Variants in OTOG observed in about 807,000 individuals in gnomAD.
The protein encoded by OTOG is otogelin.
OTOG carries 296 observed loss-of-function variants against 313.8 expected under a neutral mutation model. That is an observed-to-expected ratio of 0.94 (90% CI 0.86 to 1.04). OTOG has a LOEUF of 1.04. Among genes scored for constraint, OTOG ranks in the 50% least tolerant of loss-of-function variants. OTOG has a pLI of 0.00. For missense variants in OTOG, 3,948 were observed against 3,840.1 expected (o/e 1.03, Z -0.74); for synonymous variants, 1,533 against 1,554.9 (o/e 0.99, Z 0.33).
rs1294958435 is a variant in OTOG at position 17,631,926 on chromosome 11, T to A, written c.6933+4T>A. The A allele has an allele frequency of 1.3e-6, 2 of 1,549,230 alleles. No homozygotes were observed. Among genetic ancestry groups the A allele is most frequent in the African/African-American group, 1.4e-5 (1 of 73,044 alleles). ...CTTCAGTGCCTGCCACCGCTTTGTA[T>A]GTGCCAACTGGGTCCAGCACTGGGG... On this transcript the variant is annotated splice_donor_region_variant and intron_variant, in intron 41 of 55. Transcript: ENST00000399397.
In OTOG at chr11:17,613,597, G is replaced by A. The variant is rs1460769749; in HGVS notation, c.6439-15G>A. On this transcript the variant is annotated splice_polypyrimidine_tract_variant and intron_variant, in intron 38 of 55. Transcript: ENST00000399397. ...ACAGGGCTCCAAGTTGATGAGGGCT[G>A]GGTTCTCTCTGCAGGGGCACCTGAA... 1.9e-6 allele frequency: 3 copies of A among 1,549,420 alleles called. No homozygotes were observed. Among genetic ancestry groups the A allele is most frequent in the South Asian group, 2.4e-5 (2 of 84,020 alleles).
At chr11:17,629,398 A>G in intron 40 of OTOG, 82 bp downstream of exon 40, 1 of 1,417,444 alleles carries the variant, frequency 7.1e-7, no homozygotes, top group Non-Finnish European at 9.4e-7. Context: ...CTGGAGCAGG[A>G]AAGGCTGGGA....
chr11:17,640,633 T>C, intron 49 of OTOG, 112 bp from the exon 50 acceptor site: 9 of 1,178,746 alleles, frequency 7.6e-6, no homozygotes, highest in Non-Finnish European at 1.1e-5. Flanking sequence ...CCAGCCCCCC[T>C]CCTGCCCACC....
intron 20 of OTOG, 71 bp from the exon 21 acceptor site, chr11:17,576,485 T>A (rs1852529093): frequency 1.6e-6 from 2 of 1,281,222 alleles, no homozygotes; most frequent in African/African-American, 3.0e-5. Flanking sequence ...GAGGGTGGGG[T>A]CCCTGTCCTT....
Position 17,547,456 on chromosome 11 carries a change from G to A in OTOG, c.84G>A (p.Val28=), listed in dbSNP as rs1431905865. ...WGEQAAESLR[V]QRLAAAPVLW... is the part of the protein sequence containing the mutation. ...AGCAGGCAGCCGAGTCCCTGCGGGT[G>A]CAGCGCCTCGGTGAGAGGGTTGTGG... Residue 28 remains valine, a synonymous_variant, in exon 1 of 56, where the codon GTG becomes GTA. Transcript: ENST00000399397. The A allele has an allele frequency of 1.5e-6, 2 of 1,377,066 alleles. No homozygotes were observed. The highest frequency in any genetic ancestry group is 3.0e-5 in the African/African-American group (2 of 66,172). 85.3% of individuals were successfully genotyped at this position (1,377,066 alleles called of 1,614,324 possible).
At chr11:17,627,375 A>C (rs1854009675) in intron 39 of OTOG, among the ~76,000 whole-genome samples, 2 of 152,096 alleles carry the variant, frequency 1.3e-5, no homozygotes. Flanking sequence ...ATTTGAAATG[A>C]TCATATGGTT....
chr11:17,592,732 G>A (rs1273796125), intron 25 of OTOG, among the ~76,000 whole-genome samples: 1 of 152,060 alleles, frequency 6.6e-6, no homozygotes, highest in Non-Finnish European at 1.5e-5. Flanking sequence ...CCCATCGATG[G>A]ACATTTAGGT....
chr11:17,584,898 T>C (rs1013957396), intron 23 of OTOG, among the ~76,000 whole-genome samples: 3 of 152,234 alleles, frequency 2.0e-5, no homozygotes, highest in Admixed American at 6.5e-5. Flanking sequence ...CAAATTACAT[T>C]GGTTGATTTT....
intron 15 of OTOG, among the ~76,000 whole-genome samples, chr11:17,568,861 T>C (rs1852346476): frequency 6.6e-6 from 1 of 152,260 alleles, no homozygotes; most frequent in African/African-American, 2.4e-5. Flanking sequence ...GGCTGGACTC[T>C]GGGCCATCTG....
At chr11:17,549,813 G>C (rs1328724963) in intron 3 of OTOG, among the ~76,000 whole-genome samples, 1 of 152,132 alleles carries the variant, frequency 6.6e-6, no homozygotes, top group Non-Finnish European at 1.5e-5. Flanking sequence ...TCAGAGCAAC[G>C]AGGAATTAGA....
At chr11:17,572,022 T>C (rs1852415189) in intron 17 of OTOG, 58 bp from the exon 18 acceptor site, 7 of 1,546,686 alleles carry the variant, frequency 4.5e-6, no homozygotes, top group Middle Eastern at 1.7e-4. Context: ...TCTATGCTAT[T>C]TGTGCCCCCT....
At chr11:17,577,893 G>A (rs1852568742) in intron 22 of OTOG, among the ~76,000 whole-genome samples, 2 of 151,846 alleles carry the variant, frequency 1.3e-5, no homozygotes, top group South Asian at 4.1e-4. Flanking sequence ...AGAAATAGTG[G>A]TAACAGGACC....
At chr11:17,616,036 C>G (rs1267831804) in intron 39 of OTOG, among the ~76,000 whole-genome samples, 1 of 152,052 alleles carries the variant, frequency 6.6e-6, no homozygotes, top group Non-Finnish European at 1.5e-5. Flanking sequence ...TATTATTAAA[C>G]CTTAAAATTA....
intron 2 of OTOG, 57 bp from the exon 3 acceptor site, chr11:17,548,095 C>A: frequency 1.3e-6 from 2 of 1,505,178 alleles, no homozygotes; most frequent in Non-Finnish European, 1.8e-6. Flanking sequence ...CAGGGGACTG[C>A]GGGGAGGCAT....
Position 17,605,909 on chromosome 11 carries a change from C to G in OTOG, c.3930C>G (p.His1310Gln). 1 of 1,550,398 alleles carries G rather than the reference C, an allele frequency of 6.4e-7. No homozygotes were observed. The highest frequency in any genetic ancestry group is 8.7e-7 in the Non-Finnish European group (1 of 1,146,842). ...CAGACAGACCCAACTTCTTCCTTCA[C>G]GTCACAGCCAACGGGTCTCTGGAGC... ...EAADRPNFFL[H>Q]VTANGSLELA... Residue 1310 changes from histidine to glutamine, a missense_variant, in exon 33 of 56, where the codon CAC (histidine) becomes CAG (glutamine). Coordinates refer to ENST00000399397, the MANE Select transcript of OTOG (RefSeq NM_001292063.2).
Position 17,560,817 on chromosome 11 carries a change from G to T in OTOG, c.1451G>T (p.Cys484Phe), listed in dbSNP as rs1051388148. ...GSVVKEDCNT[C>F]TCTSGKWECS... Reference sequence around the variant, plus strand: ...GTGGTGAAGGAAGACTGCAATACTTGGTCTGTGTCTGCTGCCGGGAAGCAG... The same window carrying T: ...GTGGTGAAGGAAGACTGCAATACTTTGTCTGTGTCTGCTGCCGGGAAGCAG... The change falls in exon 13 of 56, where the codon TGC becomes TTC. Residue 484 changes from cysteine to phenylalanine, a missense_variant and splice_region_variant. By Grantham distance (205) the Cys-to-Phe change is radical. Transcript: ENST00000399397. 1.9e-6 allele frequency: 3 copies of T among 1,549,088 alleles called. No individual in the cohort carries two copies. Among genetic ancestry groups the T allele is most frequent in the Non-Finnish European group, 1.7e-6 (2 of 1,145,466 alleles).
Position 17,610,549 on chromosome 11 carries a change from C to G in OTOG, c.5249C>G (p.Pro1750Arg), listed in dbSNP as rs970235082. The part of the protein sequence containing the change: ...PQPHPLPSAP[P>R]RPAQHTTMAT... ...CCACACCCACTCCCCTCTGCACCAC[C>G]CCGCCCAGCCCAGCATACCACCATG... is the stretch of plus-strand genomic sequence containing the variant. The change falls in exon 36 of 56, where the codon CCC becomes CGC. Residue 1750 changes from proline to arginine, a missense_variant. Physicochemically the swap from Pro to Arg is moderately radical, Grantham distance 103. Coordinates refer to ENST00000399397, the MANE Select transcript of OTOG (RefSeq NM_001292063.2). The G allele has an allele frequency of 1.3e-6, 2 of 1,550,642 alleles. No individual in the cohort carries two copies. Among genetic ancestry groups the G allele is most frequent in the African/African-American group, 1.4e-5 (1 of 73,170 alleles).
chr11:17,555,213 G>T (rs1425611244), intron 6 of OTOG, among the ~76,000 whole-genome samples: 1 of 150,896 alleles, frequency 6.6e-6, no homozygotes, highest in Non-Finnish European at 1.5e-5. Flanking sequence ...AGAGATGTGT[G>T]TGTGTGTGTG....
At chr11:17,613,327 C>CCCTTTCTT (rs1554975606) in intron 38 of OTOG, among the ~76,000 whole-genome samples, 1 of 102,390 alleles carries the variant, frequency 9.8e-6, no homozygotes, top group Non-Finnish European at 1.8e-5. Flanking sequence ...CTCTGCCCTG[C>CCCTTTCTT]CCTTCCTTCC....
Sources: gnomAD v4.1 joint callset for allele counts (sites outside exome capture counted in the v4.1 genomes callset) on GRCh38, gnomAD v4.1.1 for gene constraint, MANE v1.5 for transcripts, NCBI Gene and HGNC (gene_info 2026-07-23, HGNC 2026-07-21) for gene names.